YKT6: variants seen among roughly 807,000 people sequenced by gnomAD.
The protein encoded by YKT6 is YKT6 vesicular SNARE protein, also known as synaptobrevin homolog YKT6.
A neutral mutation model predicts 29.3 loss-of-function variants in YKT6; 12 were observed. That is an observed-to-expected ratio of 0.41 (90% CI 0.26 to 0.66). The LOEUF (loss-of-function observed/expected upper bound fraction) is 0.66. Ranked by LOEUF, YKT6 falls within the 30% of genes least tolerant of loss-of-function variation. The probability of loss-of-function intolerance (pLI) is 0.32; values close to 1 mark genes in which losing one functional copy is unlikely to be tolerated. For missense variants in YKT6, 188 were observed against 243.8 expected, an observed-to-expected ratio of 0.77 and a Z score of 1.52; for synonymous variants, 86 against 94.3, an observed-to-expected ratio of 0.91 and a Z score of 0.51.
rs767101133 is a variant in YKT6, at chr7:44,206,466, C to T, written c.269C>T (p.Ala90Val). Residue 90 changes from alanine (A) to valine (V), a missense_variant, in exon 3 of 7, where the codon GCC (alanine) becomes GTC (valine). Transcript: ENST00000223369. ...GACAATGAATACCCATCCCGGGTGG[C>T]CTTTACCTTGCTGGAGAAGGTGAGT... is the stretch of plus-strand genomic sequence containing the variant. The part of the protein sequence containing the change: ...IADNEYPSRV[A>V]FTLLEKVLDE... 8.7e-6 allele frequency: 14 copies of T among 1,613,988 alleles called. No individual in the cohort carries two copies. The South Asian group carries it at 1.5e-4, about 18-fold the overall frequency.
intron 6 of YKT6, chr7:44,211,444 T>C: frequency 1.3e-6 from 1 of 771,570 alleles, no homozygotes; most frequent in South Asian, 3.8e-5. Flanking sequence ...TCACCAGAGA[T>C]TTACTGTTGA....
At chr7:44,209,535 G>A (rs2096344483) in intron 5 of YKT6, among the ~76,000 whole-genome samples, 1 of 152,198 alleles carries the variant, frequency 6.6e-6, no homozygotes, top group Non-Finnish European at 1.5e-5. Flanking sequence ...GTGGGGAGTG[G>A]ATGAGTCCTA....
intron 5 of YKT6, 144 bp downstream of exon 5, chr7:44,208,342 C>A (rs569082709): frequency 3.7e-6 from 3 of 809,158 alleles, no homozygotes; most frequent in Admixed American, 2.2e-5. Context: ...CCCCTTCCCC[C>A]ACCCCGGGCA....
chr7:44,208,517 C>T, intron 5 of YKT6: 1 of 330,836 alleles, frequency 3.0e-6, no homozygotes, highest in Non-Finnish European at 5.8e-6. Context: ...CCTGGATTCC[C>T]ACCCTGGTGC....
At chr7:44,207,250 T>A in intron 3 of YKT6, 138 bp from the exon 4 acceptor site, 1 of 590,642 alleles carries the variant, frequency 1.7e-6, no homozygotes, top group South Asian at 2.4e-5. Flanking sequence ...CCATTATATG[T>A]CCCCCTCATT....
chr7:44,205,943 C>T (rs1209933469), intron 2 of YKT6, among the ~76,000 whole-genome samples: 1 of 152,194 alleles, frequency 6.6e-6, no homozygotes, highest in African/African-American at 2.4e-5. Context: ...CTTTTGGCTG[C>T]TCTGAAAAGA....
intron 5 of YKT6, chr7:44,210,593 C>A (rs868191560): frequency 5.2e-4 from 155 of 298,844 alleles, no homozygotes; most frequent in African/African-American, 2.9e-3. Context: ...TTGGGGGGTG[C>A]GGTGTGGGTC....
At position 44,212,634 on chromosome 7, in the gene YKT6, A is replaced by G. The variant is rs577203698; in HGVS notation, c.*352A>G. ...AGCCAGCTGTTTCTCGATCTTTGGTATATCTTTGGATCTTATTTGTACATT... is the reference window on the plus strand; with the variant it reads ...AGCCAGCTGTTTCTCGATCTTTGGTGTATCTTTGGATCTTATTTGTACATT... On this transcript the variant is annotated 3_prime_UTR_variant, in exon 7 of 7. Transcript: ENST00000223369. The G allele has an allele frequency of 7.3e-5, 19 of 262,050 alleles. No homozygotes were observed. Among genetic ancestry groups the G allele is most frequent in the Non-Finnish European group, 1.1e-4 (15 of 137,370 alleles). The allele number at this position is 262,050 out of a possible 1,614,324, so 16.2% of individuals were successfully genotyped here. A position where few individuals can be genotyped will look rare whatever the true frequency, so the allele number is the denominator to read the frequency against.
At chr7:44,212,159 T>C in intron 6 of YKT6, 88 bp from the exon 7 acceptor site, 1 of 1,534,526 alleles carries the variant, frequency 6.5e-7, no homozygotes, top group South Asian at 1.1e-5. Flanking sequence ...CTGTGTCCTG[T>C]GGAGCTCCCT....
intron 6 of YKT6, chr7:44,211,533 C>T (rs2096346830): frequency 9.9e-7 from 1 of 1,009,522 alleles, no homozygotes; most frequent in African/African-American, 1.7e-5. Flanking sequence ...GGTTCTTAAG[C>T]TTTTAATTTC....
chr7:44,206,620 C>A (rs938629893), intron 3 of YKT6, 135 bp downstream of exon 3: 1 of 818,420 alleles, frequency 1.2e-6, no homozygotes, highest in Non-Finnish European at 2.0e-6. Flanking sequence ...TTTTCAGCCC[C>A]CTTCCCTGCA....
chr7:44,208,629 G>T (rs2096343447), intron 5 of YKT6: 1 of 160,032 alleles, frequency 6.2e-6, no homozygotes, highest in Admixed American at 6.1e-5. Context: ...TGACCACAGG[G>T]CAGCTTCTGG....
rs2096349217 is a variant in YKT6 at position 44,213,667 on chromosome 7, T to G, written c.*1385T>G. 3 of 152,246 alleles carry G rather than the reference T, an allele frequency of 2.0e-5. No individual in the cohort carries two copies. Among genetic ancestry groups the G allele is most frequent in the African/African-American group, 7.2e-5 (3 of 41,418 alleles). The allele number at this position is 152,246 out of a possible 1,614,324, so 9.4% of individuals were successfully genotyped here. A position where few individuals can be genotyped will look rare whatever the true frequency, so the allele number is the denominator to read the frequency against. On this transcript the variant is annotated 3_prime_UTR_variant, in exon 7 of 7. Coordinates refer to ENST00000223369, the MANE Select transcript of YKT6 (RefSeq NM_006555.4). Reference sequence around the variant, plus strand: ...GTGGTATGGTCCTTGGGAGCTCTGCTCTGAGCTTGCCACACTGCTGAGAGC... The same window carrying G: ...GTGGTATGGTCCTTGGGAGCTCTGCGCTGAGCTTGCCACACTGCTGAGAGC...
chr7:44,201,821 A>T (rs1291401082), intron 1 of YKT6, among the ~76,000 whole-genome samples: 1 of 152,142 alleles, frequency 6.6e-6, no homozygotes, highest in Non-Finnish European at 1.5e-5. Flanking sequence ...TTTGTTTTTA[A>T]TGGGTGAAGT....
chr7:44,207,403 T>C lies in YKT6; in HGVS notation c.304T>C (p.Ser102Pro), dbSNP rs773570225. The stretch of plus-strand genomic sequence containing the variant: ...TGTCTTGCAGGTACTAGATGAATTC[T>C]CCAAGCAAGTCGACAGGATAGACTG... The part of the protein sequence containing the change: ...TLLEKVLDEF[S>P]KQVDRIDWPV... The change falls in exon 4 of 7, where the codon TCC (serine) becomes CCC (proline). Residue 102 changes from serine (S) to proline (P), a missense_variant. Physicochemically the swap from Ser to Pro is moderately conservative, Grantham distance 74. This residue lies in a region of YKT6 where 100 missense variants were observed against 136.3 expected (regional missense o/e 0.73). Transcript: ENST00000223369. The C allele has an allele frequency of 6.2e-7, 1 of 1,614,008 alleles. No individual in the cohort carries two copies. Among genetic ancestry groups the C allele is most frequent in the Non-Finnish European group, 8.5e-7 (1 of 1,179,918 alleles).
intron 6 of YKT6, 137 bp from the exon 7 acceptor site, chr7:44,212,110 C>A: frequency 2.0e-6 from 2 of 1,011,060 alleles, no homozygotes. Context: ...CTCAAGGCCT[C>A]CACCCCCACC....
At chr7:44,201,268 C>G in intron 1 of YKT6, 29 bp downstream of exon 1, 1 of 1,394,136 alleles carries the variant, frequency 7.2e-7, no homozygotes, top group Non-Finnish European at 9.6e-7. Flanking sequence ...TGGGCCGTGG[C>G]GGTCGGGCGG....
rs192565931 is a variant in YKT6 at position 44,203,335 on chromosome 7, C to T, written c.105-1233C>T. Among the ~76,000 whole-genome samples the T allele has an allele frequency of 8.2e-4, 125 of 152,302 alleles. 2 individuals are homozygous for T. The East Asian group carries it at 0.014, about 17-fold the overall frequency. On this transcript the variant is annotated intron_variant, in intron 1 of 6. Coordinates refer to ENST00000223369, the MANE Select transcript of YKT6 (RefSeq NM_006555.4). ...TCTCGAACTCCTGAGCTCAAGTGAT[C>T]CGCCTGCCTTGGCCTCCCAAAGTGC... is the stretch of plus-strand genomic sequence containing the variant.
chr7:44,206,710 A>T (rs1395987709), intron 3 of YKT6, among the ~76,000 whole-genome samples: 1 of 152,072 alleles, frequency 6.6e-6, no homozygotes, highest in African/African-American at 2.4e-5. Flanking sequence ...TAGGCCACTG[A>T]GTCATAGCAT....
Sources: allele counts gnomAD v4.1 joint callset (sites outside exome capture counted in the v4.1 genomes callset), GRCh38; gene constraint gnomAD v4.1.1; regional missense constraint gnomAD v4.1.1; transcripts MANE v1.5; gene names NCBI Gene and HGNC (gene_info 2026-07-23, HGNC 2026-07-21).